Variants in MYRF observed in about 807,000 individuals in gnomAD.
The protein encoded by MYRF is myelin gene regulatory factor.
Under a neutral mutation model 126.3 loss-of-function variants are expected in MYRF, and 16 were observed. The ratio of observed to expected loss-of-function variants is 0.13; its 90% CI spans 0.09 to 0.19. The LOEUF is 0.19. Ranked by LOEUF, MYRF falls within the 10% of genes least tolerant of loss-of-function variation. The pLI is 1.00. For missense variants in MYRF, 1,104 were observed against 1,547.0 expected (o/e 0.71, Z 4.80); for synonymous variants, 608 against 635.3 (o/e 0.96, Z 0.65).
chr11:61,759,928 T>C (rs1428382129), intron 1 of MYRF, among the ~76,000 whole-genome samples: 7 of 151,982 alleles, frequency 4.6e-5, no homozygotes, highest in Non-Finnish European at 7.4e-5. Context: ...CTAAGACGGC[T>C]CTGGTCACAA....
intron 8 of MYRF, among the ~76,000 whole-genome samples, chr11:61,775,427 C>T (rs1255938837): frequency 2.0e-5 from 3 of 151,978 alleles, no homozygotes; most frequent in Admixed American, 6.5e-5. Context: ...TCCCCAGGGG[C>T]CCCTCCCCTA....
rs770504481 is a variant in MYRF at position 61,781,739 on chromosome 11, C to G, written c.2931C>G (p.Ser977Arg). ...GGQGKAKNSP[S>R]LGFHGRARRG... ...AGGGCAAAGCCAAGAACAGTCCCAG[C>G]CTTGGTTTCCATGGCCGGGCCCGCC... is the stretch of plus-strand genomic sequence containing the variant. The change falls in exon 22 of 27, where the codon AGC becomes AGG. Residue 977 changes from serine to arginine, a missense_variant. By Grantham distance (110) the Ser-to-Arg change is moderately radical (BLOSUM62 -1). Transcript: ENST00000278836. The G allele has an allele frequency of 2.0e-5, 32 of 1,612,638 alleles. No individual in the cohort carries two copies. Among genetic ancestry groups the G allele is most frequent in the Non-Finnish European group, 2.7e-5 (32 of 1,179,746 alleles).
At chr11:61,767,387 C>G (rs1313526025) in intron 3 of MYRF, 1 of 456,510 alleles carries the variant, frequency 2.2e-6, no homozygotes, top group Admixed American at 2.3e-5. Context: ...CACAAGGAGC[C>G]CTGGCCACTG....
At chr11:61,770,613 G>A in intron 5 of MYRF, 88 bp downstream of exon 5, 1 of 1,343,082 alleles carries the variant, frequency 7.4e-7, no homozygotes, top group Non-Finnish European at 1.0e-6. Flanking sequence ...CAGAGAGGGA[G>A]GTAGGGACCG....
In MYRF at chr11:61,766,496, A is replaced by T. The variant is rs73487429; in HGVS notation, c.398+275A>T. 2.7e-3 allele frequency: 1,193 copies of T among 447,920 alleles called. 15 individuals are homozygous for T. The highest frequency in any genetic ancestry group is 0.022 in the African/African-American group (1,095 of 50,484). The allele number at this position is 447,920 out of a possible 1,614,324, so 27.7% of individuals were successfully genotyped here. A position where few individuals can be genotyped will look rare whatever the true frequency, so the allele number is the denominator to read the frequency against. On this transcript the variant is annotated intron_variant, in intron 3 of 26. Coordinates refer to ENST00000278836, the MANE Select transcript of MYRF (RefSeq NM_001127392.3). ...AGAAAAATCTCGATGCTGTGTGGAGAGTGGACAGGAAGCGGCGGGACTGGA... is the reference window on the plus strand; with the variant it reads ...AGAAAAATCTCGATGCTGTGTGGAGTGTGGACAGGAAGCGGCGGGACTGGA...
chr11:61,773,983 C>A lies in MYRF; in HGVS notation c.1132C>A (p.Arg378Ser). 6.2e-7 allele frequency: 1 copy of A among 1,612,300 alleles called. No individual in the cohort carries two copies. Among genetic ancestry groups the A allele is most frequent in the Non-Finnish European group, 8.5e-7 (1 of 1,179,710 alleles). ...NYKELPMLTY[R>S]VDADKGFNFS... ...CCCCCCCAGGCCCATGCTCACCTAC[C>A]GCGTGGATGCGGACAAGGGCTTCAA... is the stretch of plus-strand genomic sequence containing the variant. The change falls in exon 8 of 27, where the codon CGC (arginine) becomes AGC (serine). Residue 378 changes from arginine to serine, a missense_variant. By Grantham distance (110) the Arg-to-Ser change is moderately radical. Around this residue, in one of 10 missense-constraint regions of MYRF, gnomAD observed 87 missense variants for 129.2 expected, o/e 0.67. Coordinates refer to ENST00000278836, the MANE Select transcript of MYRF (RefSeq NM_001127392.3).
intron 7 of MYRF, among the ~76,000 whole-genome samples, 198 bp from the exon 8 acceptor site, chr11:61,773,769 G>C (rs1312316735): frequency 6.6e-6 from 1 of 152,220 alleles, no homozygotes; most frequent in East Asian, 1.9e-4. Context: ...AATGTTGTCT[G>C]AGGAGTTTGC....
Position 61,777,695 on chromosome 11 carries a change from C to T in MYRF, c.1792-39C>T. 6.5e-7 allele frequency: 1 copy of T among 1,530,982 alleles called. No individual in the cohort carries two copies. The highest frequency in any genetic ancestry group is 8.8e-7 in the Non-Finnish European group (1 of 1,130,158). 94.8% of individuals were successfully genotyped at this position (1,530,982 alleles called of 1,614,324 possible). A position where few individuals can be genotyped will look rare whatever the true frequency, so the allele number is the denominator to read the frequency against. ...GGCTCCGGGGCCTGCTCCGGGACGGCCGCAGGAGGGGTTCATTCCCGGGCC... is the reference window on the plus strand; with the variant it reads ...GGCTCCGGGGCCTGCTCCGGGACGGTCGCAGGAGGGGTTCATTCCCGGGCC... On this transcript the variant is annotated intron_variant, in intron 12 of 26. Transcript: ENST00000278836. The surrounding 1 kb of genome is among the most constrained non-coding windows in gnomAD (Gnocchi z 8.8).
At position 61,770,569 on chromosome 11, in the gene MYRF, AC is replaced by A. The variant is rs763385443; in HGVS notation, c.740+45del. On this transcript the variant is annotated intron_variant, in intron 5 of 26. Coordinates refer to ENST00000278836, the MANE Select transcript of MYRF (RefSeq NM_001127392.3). The stretch of plus-strand genomic sequence containing the variant: ...GCTCCATGGGGTGGGAAGGTGGGGT[AC>A]AGGGACCAGGGTGGGCAGGGCGGCG... 6.8e-4 allele frequency: 1,032 copies of A among 1,510,112 alleles called. 15 individuals are homozygous for A. Among genetic ancestry groups the A allele is most frequent in the Non-Finnish European group, 1.5e-4 (173 of 1,122,484 alleles). 93.5% of individuals were successfully genotyped at this position (1,510,112 alleles called of 1,614,324 possible).
chr11:61,779,727 G>GC, intron 16 of MYRF, 115 bp from the exon 17 acceptor site: 2 of 1,212,948 alleles, frequency 1.6e-6, no homozygotes, highest in African/African-American at 1.5e-5. Context: ...TTCTCCCTTT[G>GC]CCCCCGGGGA....
chr11:61,782,175 T>A, intron 22 of MYRF: 1 of 249,788 alleles, frequency 4.0e-6, no homozygotes, highest in Non-Finnish European at 7.6e-6. Flanking sequence ...ACCAGGAGGG[T>A]GCTATACTGG....
chr11:61,766,953 G>A, intron 3 of MYRF: 1 of 453,382 alleles, frequency 2.2e-6, no homozygotes, highest in Non-Finnish European at 4.5e-6. Flanking sequence ...AGACAGCCTG[G>A]CTCCAACTTC....
chr11:61,769,958 C>T (rs1328737389), intron 4 of MYRF, among the ~76,000 whole-genome samples: 4 of 151,782 alleles, frequency 2.6e-5, no homozygotes, highest in South Asian at 2.1e-4. Context: ...GAGATGGGGA[C>T]GGAGGGGGAC....
chr11:61,771,766 A>G lies in MYRF; in HGVS notation c.991+16A>G, dbSNP rs770416531. 2 of 1,612,002 alleles carry G rather than the reference A, an allele frequency of 1.2e-6. No individual in the cohort carries two copies. Among genetic ancestry groups the G allele is most frequent in the South Asian group, 1.1e-5 (1 of 91,024 alleles). On this transcript the variant is annotated intron_variant, in intron 6 of 26. Coordinates refer to ENST00000278836, the MANE Select transcript of MYRF (RefSeq NM_001127392.3). ...CCCTCCCCAGGTACATGGCTGGCCA[A>G]CTCTTCAAGGTGGGGTGTGGGACCC... is the stretch of plus-strand genomic sequence containing the variant.
Position 61,776,635 on chromosome 11 carries a change from C to A in MYRF, c.1500-152C>A. 1.4e-6 allele frequency: 1 copy of A among 739,664 alleles called. No individual in the cohort carries two copies. The highest frequency in any genetic ancestry group is 2.2e-6 in the Non-Finnish European group (1 of 454,134). 45.8% of individuals were successfully genotyped at this position (739,664 alleles called of 1,614,324 possible). A position where few individuals can be genotyped will look rare whatever the true frequency, so the allele number is the denominator to read the frequency against. ...GTTGAGAAACAGCCCTGGCTTCTTGCTGTGGGCCCTGGGGAATTTCTGCCC... is the reference window on the plus strand; with the variant it reads ...GTTGAGAAACAGCCCTGGCTTCTTGATGTGGGCCCTGGGGAATTTCTGCCC... On this transcript the variant is annotated intron_variant, in intron 10 of 26. Transcript: ENST00000278836. This position sits in a 1 kb window ranked among gnomAD's most constrained non-coding sequence, Gnocchi z 4.3.
chr11:61,776,266 C>T lies in MYRF; in HGVS notation c.1389-56C>T, dbSNP rs895832588. On this transcript the variant is annotated intron_variant, in intron 9 of 26. Coordinates refer to ENST00000278836, the MANE Select transcript of MYRF (RefSeq NM_001127392.3). The surrounding 1 kb of genome is among the most constrained non-coding windows in gnomAD (Gnocchi z 4.3). ...TGCTGGCCTGGGTGCCCCTCAGTGG[C>T]GTGGCTCTTGCAGCCTCCCTCCCTG... is the stretch of plus-strand genomic sequence containing the variant. 8 of 1,568,290 alleles carry T rather than the reference C, an allele frequency of 5.1e-6. No homozygotes were observed. The highest frequency in any genetic ancestry group is 1.7e-4 in the Middle Eastern group (1 of 5,990).
At position 61,783,628 on chromosome 11, in the gene MYRF, G is replaced by A. The variant is rs1331779103; in HGVS notation, c.3119+28G>A. ...GGGCTGGGCTCCCTCCCCTCACCCA[G>A]GGAGGTCCTCAGGTGACATGAGCCC... On this transcript the variant is annotated intron_variant, in intron 23 of 26. Coordinates refer to ENST00000278836, the MANE Select transcript of MYRF (RefSeq NM_001127392.3). This position sits in a 1 kb window ranked among gnomAD's most constrained non-coding sequence, Gnocchi z 4.6. 1.3e-6 allele frequency: 2 copies of A among 1,598,004 alleles called. No homozygotes were observed. Among genetic ancestry groups the A allele is most frequent in the South Asian group, 2.2e-5 (2 of 90,604 alleles).
At position 61,777,253 on chromosome 11, in the gene MYRF, A is replaced by T; in HGVS notation, c.1591-11A>T. The T allele has an allele frequency of 1.2e-6, 2 of 1,609,656 alleles. No homozygotes were observed. The highest frequency in any genetic ancestry group is 1.7e-6 in the Non-Finnish European group (2 of 1,179,174). On this transcript the variant is annotated splice_polypyrimidine_tract_variant and intron_variant, in intron 11 of 26. Coordinates refer to ENST00000278836, the MANE Select transcript of MYRF (RefSeq NM_001127392.3). This position sits in a 1 kb window ranked among gnomAD's most constrained non-coding sequence, Gnocchi z 8.8. ...ATCCCCCAGGACTGATCCAGCCCCAACTCGCGGTAGGCCTCCAACCCAGGC... is the reference window on the plus strand; with the variant it reads ...ATCCCCCAGGACTGATCCAGCCCCATCTCGCGGTAGGCCTCCAACCCAGGC...
Position 61,781,141 on chromosome 11 carries a change from C to A in MYRF, c.2576C>A (p.Thr859Asn). ...ATACAGCCTCTGGCCTCCTCAGTGA[C>A]CACCAGCCTCACCAGCTCGGCCCCA... Reference protein sequence around the residue: ...PGIQPSLLLVTTSLTSSAPGS... With the variant: ...PGIQPSLLLVNTSLTSSAPGS... Residue 859 changes from threonine (T) to asparagine (N), a missense_variant, in exon 21 of 27, where the codon ACC becomes AAC. Thr to Asn is a moderately conservative substitution (Grantham distance 65). Around this residue, in one of 10 missense-constraint regions of MYRF, gnomAD observed 323 missense variants for 383.1 expected, o/e 0.84. Transcript: ENST00000278836. The A allele has an allele frequency of 2.5e-6, 4 of 1,613,378 alleles. No homozygotes were observed. The highest frequency in any genetic ancestry group is 3.4e-6 in the Non-Finnish European group (4 of 1,179,986).
Sources: allele counts gnomAD v4.1 joint callset (sites outside exome capture counted in the v4.1 genomes callset), GRCh38; gene constraint gnomAD v4.1.1; regional missense constraint gnomAD v4.1.1; non-coding constraint Gnocchi (gnomAD v3.1); transcripts MANE v1.5; gene names NCBI Gene and HGNC (gene_info 2026-07-23, HGNC 2026-07-21).